Variants in YTHDF1 observed in about 807,000 individuals in gnomAD.
YTHDF1 encodes the protein YTH N6-methyladenosine RNA binding protein F1.
In YTHDF1, 16 loss-of-function variants were observed where a neutral mutation model predicts 49.1. That is an observed-to-expected ratio of 0.33 (90% CI 0.22 to 0.49). The LOEUF (loss-of-function observed/expected upper bound fraction) is 0.49. Among genes scored for constraint, YTHDF1 ranks in the 20% least tolerant of loss-of-function variants. The pLI, the probability that YTHDF1 is intolerant of heterozygous loss-of-function variation, is 0.99. For missense variants in YTHDF1, 621 were observed against 744.3 expected, an observed-to-expected ratio of 0.83 and a Z score of 1.93; for synonymous variants, 313 against 290.1, an observed-to-expected ratio of 1.08 and a Z score of -0.80.
intron 3 of YTHDF1, among the ~76,000 whole-genome samples, chr20:63,213,383 G>C (rs865919242): frequency 2.6e-5 from 4 of 152,340 alleles, no homozygotes; most frequent in Non-Finnish European, 5.9e-5. Flanking sequence ...AGCAGGCTGA[G>C]ATCACGCCAT....
chr20:63,202,327 T>C lies in YTHDF1; in HGVS notation c.1613A>G (p.His538Arg), dbSNP rs1353753105. The change falls in exon 4 of 5, where the codon CAC becomes CGC. Residue 538 changes from histidine to arginine, a missense_variant. Transcript: ENST00000370339. ...HTTSIFDDFA[H>R]YEKRQEEEEV... ...CTCCTCCTCCTGGCGCTTCTCGTAG[T>C]GAGCAAAGTCGTCGAAGATGGAGGT... is the stretch of plus-strand genomic sequence containing the variant. 2 of 1,614,042 alleles carry C rather than the reference T, an allele frequency of 1.2e-6. No individual in the cohort carries two copies. The highest frequency in any genetic ancestry group is 8.5e-7 in the Non-Finnish European group (1 of 1,179,966).
chr20:63,209,873 T>C (rs73919079), intron 3 of YTHDF1, among the ~76,000 whole-genome samples: 1,563 of 152,300 alleles, frequency 0.01, 24 homozygotes, highest in African/African-American at 0.035. Flanking sequence ...GTCACACCAA[T>C]TGCCTTCTTC....
chr20:63,210,788 C>CA (rs901347736), intron 3 of YTHDF1, among the ~76,000 whole-genome samples: 3 of 151,956 alleles, frequency 2.0e-5, no homozygotes, highest in African/African-American at 7.2e-5. Flanking sequence ...AACTCCATCT[C>CA]AAAAAACAAA....
intron 4 of YTHDF1, among the ~76,000 whole-genome samples, chr20:63,197,828 C>A (rs1185049399): frequency 6.6e-6 from 1 of 152,130 alleles, no homozygotes; most frequent in Non-Finnish European, 1.5e-5. Flanking sequence ...TAAAGAAAAC[C>A]AGCGGGCAGG....
chr20:63,198,381 G>A (rs1168079818), intron 4 of YTHDF1, among the ~76,000 whole-genome samples: 2 of 152,110 alleles, frequency 1.3e-5, no homozygotes, highest in African/African-American at 2.4e-5. Flanking sequence ...GGACGCAGAG[G>A]TTGCAGTGAG....
chr20:63,207,298 T>C (rs540666528), intron 3 of YTHDF1, among the ~76,000 whole-genome samples: 1 of 151,956 alleles, frequency 6.6e-6, no homozygotes, highest in Non-Finnish European at 1.5e-5. Flanking sequence ...AAAACCCCCC[T>C]CTCTACTAAA....
intron 2 of YTHDF1, among the ~76,000 whole-genome samples, chr20:63,214,563 C>T (rs1296120028): frequency 1.3e-5 from 2 of 152,194 alleles, no homozygotes; most frequent in Non-Finnish European, 2.9e-5. Context: ...ACATGAGAAC[C>T]ATCAATGTAA....
intron 3 of YTHDF1, among the ~76,000 whole-genome samples, chr20:63,212,030 C>T (rs1285947657): frequency 6.6e-6 from 1 of 151,944 alleles, no homozygotes; most frequent in African/African-American, 2.4e-5. Context: ...CTGATGCAAC[C>T]TCCCTCCCCC....
At chr20:63,214,882 T>C (rs1457055142) in intron 2 of YTHDF1, among the ~76,000 whole-genome samples, 1 of 152,226 alleles carries the variant, frequency 6.6e-6, no homozygotes, top group African/African-American at 2.4e-5. Context: ...AGCGTAGCTT[T>C]CTCCCTTTGG....
intron 2 of YTHDF1, among the ~76,000 whole-genome samples, chr20:63,215,007 C>A (rs946653318): frequency 5.0e-4 from 76 of 152,192 alleles, no homozygotes; most frequent in African/African-American, 1.7e-3. Context: ...TGGGCCTTTT[C>A]CAATCTTAAA....
At chr20:63,200,963 C>T (rs2066514483) in intron 4 of YTHDF1, among the ~76,000 whole-genome samples, 1 of 151,772 alleles carries the variant, frequency 6.6e-6, no homozygotes, top group Admixed American at 6.6e-5. Flanking sequence ...GACAATCACT[C>T]GAACCCAGGA....
chr20:63,215,824 G>T, intron 1 of YTHDF1, 42 bp downstream of exon 1: 1 of 1,451,814 alleles, frequency 6.9e-7, no homozygotes, highest in Non-Finnish European at 9.1e-7. Flanking sequence ...CAGACCCCGC[G>T]CCTCGGCCCC....
At position 63,202,188 on chromosome 20, in the gene YTHDF1, C is replaced by G. The variant is rs1051960841; in HGVS notation, c.1653+99G>C. Reference sequence around the variant, plus strand: ...GAGCTGCCTGTCACGAGACTCAGCTCGGCGGACCTGCCGCATCTGCTCACC... The same window carrying G: ...GAGCTGCCTGTCACGAGACTCAGCTGGGCGGACCTGCCGCATCTGCTCACC... On this transcript the variant is annotated intron_variant, in intron 4 of 4. Transcript: ENST00000370339. 2.0e-6 allele frequency: 3 copies of G among 1,469,480 alleles called. No homozygotes were observed. In the African/African-American group the frequency reaches 4.2e-5, roughly 21 times the overall value. The allele number at this position is 1,469,480 out of a possible 1,614,324, so 91.0% of individuals were successfully genotyped here. A position where few individuals can be genotyped will look rare whatever the true frequency, so the allele number is the denominator to read the frequency against.
chr20:63,196,535 A>C lies in YTHDF1; in HGVS notation c.*173T>G, dbSNP rs1420241979. 2 of 687,206 alleles carry C rather than the reference A, an allele frequency of 2.9e-6. No homozygotes were observed. The highest frequency in any genetic ancestry group is 4.9e-6 in the Non-Finnish European group (2 of 405,596). The allele number at this position is 687,206 out of a possible 1,614,324, so 42.6% of individuals were successfully genotyped here. A position where few individuals can be genotyped will look rare whatever the true frequency, so the allele number is the denominator to read the frequency against. ...AGTGACTTCTACAGGATTATAATACATAGAAAAAGTACAAATAAATGCAGA... is the reference window on the plus strand; with the variant it reads ...AGTGACTTCTACAGGATTATAATACCTAGAAAAAGTACAAATAAATGCAGA... On this transcript the variant is annotated 3_prime_UTR_variant, in exon 5 of 5. Transcript: ENST00000370339.
At chr20:63,213,356 C>T (rs529167875) in intron 3 of YTHDF1, among the ~76,000 whole-genome samples, 84 of 152,288 alleles carry the variant, frequency 5.5e-4, no homozygotes, top group Middle Eastern at 3.4e-3. Flanking sequence ...TGCTTGAACC[C>T]GGGAGGCAGA....
Position 63,216,076 on chromosome 20 carries a change from C to G in YTHDF1, c.-184G>C, listed in dbSNP as rs2066601364. The G allele has an allele frequency of 3.4e-6, 1 of 297,270 alleles. No homozygotes were observed. The allele number at this position is 297,270 out of a possible 1,614,324, so 18.4% of individuals were successfully genotyped here. On this transcript the variant is annotated 5_prime_UTR_variant, in exon 1 of 5. Coordinates refer to ENST00000370339, the MANE Select transcript of YTHDF1 (RefSeq NM_017798.4). ...TGGCGAGGCGGCAGCGGCGGTGAGC[C>G]CGGGACGCGGACGCACTGAGGAGGC...
intron 4 of YTHDF1, 116 bp from the exon 5 acceptor site, chr20:63,196,850 T>G: frequency 1.6e-6 from 2 of 1,213,030 alleles, no homozygotes; most frequent in Non-Finnish European, 2.3e-6. Flanking sequence ...GGCGGGACCC[T>G]GAATGGTACC....
intron 4 of YTHDF1, among the ~76,000 whole-genome samples, chr20:63,198,686 C>G (rs1255373884): frequency 6.6e-6 from 1 of 151,666 alleles, no homozygotes; most frequent in African/African-American, 2.4e-5. Flanking sequence ...GAATGCTCAA[C>G]AAGCATCCAG....
intron 4 of YTHDF1, among the ~76,000 whole-genome samples, chr20:63,196,956 A>C (rs1230941349): frequency 6.6e-6 from 1 of 152,108 alleles, no homozygotes; most frequent in African/African-American, 2.4e-5. Flanking sequence ...CCCCTCTACC[A>C]GGAGAAAAGC....
Sources: gnomAD v4.1 joint callset for allele counts (sites outside exome capture counted in the v4.1 genomes callset) on GRCh38, gnomAD v4.1.1 for gene constraint, MANE v1.5 for transcripts, NCBI Gene and HGNC (gene_info 2026-07-23, HGNC 2026-07-21) for gene names.